FTO: variants seen among roughly 807,000 people sequenced by gnomAD.
FTO encodes the protein alpha-ketoglutarate-dependent dioxygenase FTO.
Under a neutral mutation model 63.9 loss-of-function variants are expected in FTO, and 47 were observed. The observed-to-expected ratio is 0.74, with a 90% CI of 0.58 to 0.94. FTO has a LOEUF of 0.94. Ranked by LOEUF, FTO falls within the 40% of genes least tolerant of loss-of-function variation. The pLI is 0.00. For synonymous variants in FTO, 207 were observed against 224.4 expected (o/e 0.92, Z 0.69); for missense variants, 562 against 618.1 (o/e 0.91, Z 0.96).
rs57004473 is a variant in FTO at position 53,852,101 on chromosome 16, C to CAAAAAAAAAAAAAAAAAA, written c.895+7805_895+7822dup. ...CAAAACTCTGTCTCTACAAAAAATA[C>CAAAAAAAAAAAAAAAAAA]AAAAAAAAAAAAAAAAAAAGCCAGG... is the stretch of plus-strand genomic sequence containing the variant. On this transcript the variant is annotated intron_variant, in intron 4 of 8. Transcript: ENST00000471389. Among the ~76,000 whole-genome samples, 114 of 54,296 alleles carry CAAAAAAAAAAAAAAAAAA rather than the reference C, an allele frequency of 2.1e-3. 8 individuals are homozygous for CAAAAAAAAAAAAAAAAAA. The highest frequency in any genetic ancestry group is 0.011 in the East Asian group (19 of 1,806). The allele number at this position is 54,296 out of a possible 152,430, so 35.6% of individuals were successfully genotyped here.
At chr16:54,081,273 CT>C (rs1356035515) in intron 8 of FTO, among the ~76,000 whole-genome samples, 1 of 152,190 alleles carries the variant, frequency 6.6e-6, no homozygotes, top group Non-Finnish European at 1.5e-5. Context: ...GCCCTACCCC[CT>C]TTCCAAAGAA....
chr16:54,068,280 G>T (rs1461344566), intron 8 of FTO, among the ~76,000 whole-genome samples: 2 of 151,334 alleles, frequency 1.3e-5, no homozygotes, highest in African/African-American at 4.9e-5. Flanking sequence ...CTCTCCCATG[G>T]TTTTTTCTAG....
At chr16:53,898,387 T>A (rs934492887) in intron 7 of FTO, among the ~76,000 whole-genome samples, 1 of 152,200 alleles carries the variant, frequency 6.6e-6, no homozygotes, top group Non-Finnish European at 1.5e-5. Flanking sequence ...TGGAGAGAGT[T>A]GCTCTGACCA....
At chr16:53,704,432 G>T (rs368347843) in intron 1 of FTO, among the ~76,000 whole-genome samples, 31 of 152,276 alleles carry the variant, frequency 2.0e-4, no homozygotes, top group African/African-American at 7.0e-4. Context: ...TTGTTGGATC[G>T]GCTCAAAAAT....
intron 8 of FTO, among the ~76,000 whole-genome samples, chr16:53,938,131 T>A (rs529418989): frequency 6.6e-6 from 1 of 152,382 alleles, no homozygotes; most frequent in Admixed American, 6.5e-5. Context: ...TGTGTCCATG[T>A]CAGCATCTGA....
intron 1 of FTO, among the ~76,000 whole-genome samples, chr16:53,704,484 A>G (rs1420145024): frequency 1.3e-5 from 2 of 152,134 alleles, no homozygotes; most frequent in African/African-American, 4.8e-5. Context: ...TTCTGCATCT[A>G]TTCCTTGGTT....
intron 7 of FTO, among the ~76,000 whole-genome samples, chr16:53,923,314 G>A (rs1213353618): frequency 1.3e-5 from 2 of 152,206 alleles, no homozygotes; most frequent in Admixed American, 6.5e-5. Context: ...CTTCGACTAG[G>A]TGCTTTGAGA....
At chr16:53,850,744 T>A (rs1458455577) in intron 4 of FTO, among the ~76,000 whole-genome samples, 1 of 151,398 alleles carries the variant, frequency 6.6e-6, no homozygotes, top group Non-Finnish European at 1.5e-5. Flanking sequence ...GACACTCACT[T>A]TTTTTTTCCA....
At chr16:53,921,662 G>C (rs1331155493) in intron 7 of FTO, among the ~76,000 whole-genome samples, 1 of 152,150 alleles carries the variant, frequency 6.6e-6, no homozygotes, top group African/African-American at 2.4e-5. Flanking sequence ...AGAGAAGTCA[G>C]CTGTCATTCT....
At chr16:54,005,890 A>G (rs1040324927) in intron 8 of FTO, among the ~76,000 whole-genome samples, 7 of 152,202 alleles carry the variant, frequency 4.6e-5, no homozygotes, top group African/African-American at 1.4e-4. Context: ...GTAAGCATCA[A>G]TGTGTTGGTG....
intron 8 of FTO, among the ~76,000 whole-genome samples, chr16:54,036,519 CTCAA>C (rs2084944074): frequency 6.6e-6 from 1 of 152,188 alleles, no homozygotes; most frequent in Non-Finnish European, 1.5e-5. Flanking sequence ...AAATTCCAAA[CTCAA>C]TCAAAAATGA....
chr16:53,914,832 C>T (rs994769315), intron 7 of FTO, among the ~76,000 whole-genome samples: 2 of 152,176 alleles, frequency 1.3e-5, no homozygotes, highest in Admixed American at 1.3e-4. Flanking sequence ...TCTCTAACAG[C>T]AGTAATTCTT....
chr16:53,793,974 G>A (rs539999688), intron 1 of FTO, among the ~76,000 whole-genome samples: 1 of 152,266 alleles, frequency 6.6e-6, no homozygotes, highest in Non-Finnish European at 1.5e-5. Context: ...CATATTAAAA[G>A]TTACTCATCC....
At chr16:53,759,693 CA>C (rs758376530) in intron 1 of FTO, among the ~76,000 whole-genome samples, 270 of 28,518 alleles carry the variant, frequency 9.5e-3, no homozygotes, top group Non-Finnish European at 0.014. Flanking sequence ...GACTCCTTCT[CA>C]AAAAAAAAAA....
intron 8 of FTO, among the ~76,000 whole-genome samples, chr16:53,966,806 A>G (rs1359374234): frequency 1.3e-5 from 2 of 152,250 alleles, no homozygotes; most frequent in African/African-American, 4.8e-5. Context: ...ACAGGTAGCT[A>G]TGAATGCATG....
chr16:53,908,015 A>G (rs1026019715), intron 7 of FTO, among the ~76,000 whole-genome samples: 11 of 152,226 alleles, frequency 7.2e-5, no homozygotes, highest in African/African-American at 2.7e-4. Context: ...CAGTGCTGCT[A>G]GAGACATTAA....
At chr16:54,037,841 G>C (rs77823728) in intron 8 of FTO, among the ~76,000 whole-genome samples, 1 of 152,184 alleles carries the variant, frequency 6.6e-6, no homozygotes, top group Non-Finnish European at 1.5e-5. Context: ...TAAAAATTAC[G>C]TATGCATATA....
chr16:53,831,094 C>T (rs879815414), intron 3 of FTO, among the ~76,000 whole-genome samples: 12 of 152,004 alleles, frequency 7.9e-5, no homozygotes, highest in Admixed American at 5.2e-4. Context: ...AATTTGTTCC[C>T]GTAATTCTTG....
intron 1 of FTO, among the ~76,000 whole-genome samples, chr16:53,809,377 T>TG (rs1219033616): frequency 6.6e-6 from 1 of 152,198 alleles, no homozygotes; most frequent in East Asian, 1.9e-4. Context: ...CCACATATGC[T>TG]GACATTATGC....
Sources: gnomAD v4.1 joint callset for allele counts (sites outside exome capture counted in the v4.1 genomes callset) on GRCh38, gnomAD v4.1.1 for gene constraint, MANE v1.5 for transcripts, NCBI Gene and HGNC (gene_info 2026-07-23, HGNC 2026-07-21) for gene names.